Variants in IQCE observed in about 807,000 individuals in gnomAD.
The protein encoded by IQCE is IQ motif containing E.
In IQCE, 115 loss-of-function variants were observed where a neutral mutation model predicts 96.0. The observed-to-expected ratio is 1.20, with a 90% CI of 1.03 to 1.40. The LOEUF (loss-of-function observed/expected upper bound fraction) is 1.40. Ranked by LOEUF, IQCE falls within the 40% of genes most tolerant of loss-of-function variation. The pLI is 0.00. For missense variants in IQCE, 1,041 were observed against 909.1 expected (o/e 1.15, Z -1.87); for synonymous variants, 412 against 371.2 (o/e 1.11, Z -1.26).
chr7:2,597,952 G>A (rs1784172010), intron 16 of IQCE, among the ~76,000 whole-genome samples: 1 of 152,196 alleles, frequency 6.6e-6, no homozygotes, highest in Admixed American at 6.5e-5. Flanking sequence ...ACAAGCATGA[G>A]CCACTGCGCC....
intron 21 of IQCE, chr7:2,607,691 TC>T (rs3830623): frequency 0.18 from 60,636 of 339,928 alleles, 6,134 homozygotes; most frequent in East Asian, 0.47. Context: ...GCCCTGCCTT[TC>T]TCTGGCCGTC....
At position 2,613,948 on chromosome 7, in the gene IQCE, A is replaced by G. The variant is rs1045714; in HGVS notation, c.*3786A>G. 0.11 allele frequency: 17,377 copies of G among 152,200 alleles called. 1,040 individuals are homozygous for G. The highest frequency in any genetic ancestry group is 0.15 in the Admixed American group (2,218 of 15,284). 9.4% of individuals were successfully genotyped at this position (152,200 alleles called of 1,614,324 possible). On this transcript the variant is annotated 3_prime_UTR_variant, in exon 22 of 22. Transcript: ENST00000402050. ...TCCAACCCAGGGCCCGGTGTTGGAC[A>G]AAGTAGCTTTTTCTTTGCTCGTTTG...
intron 20 of IQCE, among the ~76,000 whole-genome samples, chr7:2,606,879 G>A (rs758669280): frequency 5.9e-5 from 9 of 152,138 alleles, no homozygotes; most frequent in Admixed American, 1.3e-4. Flanking sequence ...AAACCATGCC[G>A]GCCTGACCTC....
At chr7:2,588,111 A>C (rs995931930) in intron 13 of IQCE, among the ~76,000 whole-genome samples, 1 of 152,182 alleles carries the variant, frequency 6.6e-6, no homozygotes, top group African/African-American at 2.4e-5. Context: ...CGCGCTTCGC[A>C]CTGGAGCCCC....
At chr7:2,570,045 C>T (rs936905586) in intron 3 of IQCE, among the ~76,000 whole-genome samples, 2 of 152,144 alleles carry the variant, frequency 1.3e-5, no homozygotes, top group South Asian at 2.1e-4. Context: ...TTTCTAGTTT[C>T]GTGAGTGTAG....
At chr7:2,581,977 G>A (rs112804150) in intron 8 of IQCE, 7,702 of 437,594 alleles carry the variant, frequency 0.018, 115 homozygotes, top group Non-Finnish European at 0.026. Context: ...CTCCCAAAGT[G>A]CTGGGATTAC....
intron 16 of IQCE, among the ~76,000 whole-genome samples, chr7:2,596,277 A>C (rs1305689204): frequency 6.6e-6 from 1 of 152,038 alleles, no homozygotes; most frequent in African/African-American, 2.4e-5. Context: ...AAAGAAAAGA[A>C]AGAGAGAAAG....
intron 8 of IQCE, among the ~76,000 whole-genome samples, chr7:2,580,771 G>A (rs981201258): frequency 2.0e-5 from 3 of 152,172 alleles, no homozygotes; most frequent in African/African-American, 4.8e-5. Flanking sequence ...GCAGAGCCCC[G>A]TTTCTGTGAG....
At chr7:2,586,175 T>C (rs765678803) in intron 11 of IQCE, 33 bp from the exon 12 acceptor site, 1 of 1,597,636 alleles carries the variant, frequency 6.3e-7, no homozygotes, top group East Asian at 2.2e-5. Flanking sequence ...AGCTTAGCAA[T>C]GCAAACCTCA....
chr7:2,573,517 T>G, intron 6 of IQCE, 29 bp downstream of exon 6: 1 of 1,214,948 alleles, frequency 8.2e-7, no homozygotes, highest in Non-Finnish European at 1.2e-6. Flanking sequence ...CTCTATTGAT[T>G]TGAAACGGTG....
intron 1 of IQCE, among the ~76,000 whole-genome samples, chr7:2,562,238 G>A (rs1479885411): frequency 6.6e-6 from 1 of 151,170 alleles, no homozygotes; most frequent in African/African-American, 2.4e-5. Flanking sequence ...CTTGGGGTGT[G>A]TGTGTGTGTG....
At chr7:2,602,712 G>T (rs963006524) in intron 18 of IQCE, among the ~76,000 whole-genome samples, 2 of 152,202 alleles carry the variant, frequency 1.3e-5, no homozygotes, top group African/African-American at 4.8e-5. Flanking sequence ...ACAAGTGTTT[G>T]CTGGGCTCCT....
intron 8 of IQCE, among the ~76,000 whole-genome samples, chr7:2,579,830 A>G (rs1432815225): frequency 6.6e-6 from 1 of 151,194 alleles, no homozygotes; most frequent in Non-Finnish European, 1.5e-5. Flanking sequence ...TGCAGCATTC[A>G]GCTCACGTGA....
chr7:2,576,031 A>G (rs1436451199), intron 6 of IQCE, among the ~76,000 whole-genome samples: 1 of 152,164 alleles, frequency 6.6e-6, no homozygotes, highest in Non-Finnish European at 1.5e-5. Flanking sequence ...GGCCTTCGCT[A>G]ATTTACTTCA....
chr7:2,583,523 C>A, intron 9 of IQCE, 114 bp from the exon 10 acceptor site: 1 of 597,538 alleles, frequency 1.7e-6, no homozygotes. Flanking sequence ...TCCCTCCCAT[C>A]CTGGGTCTTT....
intron 17 of IQCE, 53 bp downstream of exon 17, chr7:2,598,685 A>G (rs1005410054): frequency 7.1e-7 from 1 of 1,414,516 alleles, no homozygotes; most frequent in Non-Finnish European, 9.3e-7. Context: ...TCGTGCTCCA[A>G]GGCAAGCCAC....
Position 2,606,007 on chromosome 7 carries a change from G to T in IQCE, c.1865+10G>T, listed in dbSNP as rs558936374. 49 of 1,604,160 alleles carry T rather than the reference G, an allele frequency of 3.1e-5. No homozygotes were observed. In the South Asian group the frequency reaches 5.4e-4, roughly 18 times the overall value. ...CCCGGGCCAGGCACAGGTGAGTCAGGGTCACGGGGACGTGGGACACAGACA... is the reference window on the plus strand; with the variant it reads ...CCCGGGCCAGGCACAGGTGAGTCAGTGTCACGGGGACGTGGGACACAGACA... On this transcript the variant is annotated intron_variant, in intron 20 of 21. Transcript: ENST00000402050.
At chr7:2,567,908 T>C (rs777349147) in intron 2 of IQCE, among the ~76,000 whole-genome samples, 6 of 152,166 alleles carry the variant, frequency 3.9e-5, no homozygotes, top group Non-Finnish European at 8.8e-5. Flanking sequence ...GCTCCTCTGA[T>C]GTTCCCCGGA....
intron 15 of IQCE, among the ~76,000 whole-genome samples, chr7:2,594,009 C>T (rs1394738493): frequency 4.6e-5 from 7 of 152,168 alleles, no homozygotes; most frequent in Non-Finnish European, 8.8e-5. Flanking sequence ...TGCCTGTAAT[C>T]GCAGCACTTT....
Sources: allele counts gnomAD v4.1 joint callset (sites outside exome capture counted in the v4.1 genomes callset), GRCh38; gene constraint gnomAD v4.1.1; transcripts MANE v1.5; gene names NCBI Gene and HGNC (gene_info 2026-07-23, HGNC 2026-07-21).